The following TNR variants were observed in gnomAD, a reference collection of about 807,000 sequenced individuals.
TNR encodes tenascin-R.
TNR carries 45 observed loss-of-function variants against 150.4 expected under a neutral mutation model. The observed-to-expected ratio is 0.30, with a 90% CI of 0.24 to 0.38. TNR has a LOEUF of 0.38. Ranked by LOEUF, TNR falls within the 10% of genes least tolerant of loss-of-function variation. TNR has a pLI of 1.00. For missense variants in TNR, 1,544 were observed against 1,759.1 expected (o/e 0.88, Z 2.19); for synonymous variants, 687 against 678.4 (o/e 1.01, Z -0.20).
chr1:175,717,189 T>G (rs950050254), intron 1 of TNR, among the ~76,000 whole-genome samples: 3 of 152,248 alleles, frequency 2.0e-5, no homozygotes, highest in African/African-American at 7.2e-5. Flanking sequence ...AATAAAACTT[T>G]GGCTGTGAGA....
At chr1:175,538,463 A>G (rs1403937061) in intron 1 of TNR, among the ~76,000 whole-genome samples, 1 of 152,240 alleles carries the variant, frequency 6.6e-6, no homozygotes, top group Non-Finnish European at 1.5e-5. Flanking sequence ...TAGGCCTTGG[A>G]AAATGAAAAT....
At chr1:175,522,240 G>A (rs1456464421) in intron 2 of TNR, among the ~76,000 whole-genome samples, 1 of 152,208 alleles carries the variant, frequency 6.6e-6, no homozygotes, top group African/African-American at 2.4e-5. Context: ...AGGAGCTAGG[G>A]ATTGTGTCTA....
chr1:175,621,502 G>A (rs1181188842), intron 1 of TNR, among the ~76,000 whole-genome samples: 2 of 152,150 alleles, frequency 1.3e-5, no homozygotes, highest in African/African-American at 2.4e-5. Context: ...ACTGCCAGAT[G>A]TATCTATCTA....
At chr1:175,458,765 T>C (rs1033907340) in intron 2 of TNR, among the ~76,000 whole-genome samples, 5 of 152,236 alleles carry the variant, frequency 3.3e-5, no homozygotes, top group African/African-American at 1.2e-4. Context: ...CAAAGTGCTT[T>C]CTTTAAAAAG....
chr1:175,465,092 C>G (rs552796586), intron 2 of TNR, among the ~76,000 whole-genome samples: 1 of 152,188 alleles, frequency 6.6e-6, no homozygotes, highest in Non-Finnish European at 1.5e-5. Flanking sequence ...GGCATCCACC[C>G]AGGCATCATG....
chr1:175,601,461 GC>G (rs1340053316), intron 1 of TNR, among the ~76,000 whole-genome samples: 2 of 152,156 alleles, frequency 1.3e-5, no homozygotes, highest in East Asian at 1.9e-4. Context: ...AACTTAAGAG[GC>G]CTGAGTTCCA....
At chr1:175,434,446 G>A (rs1370200370) in intron 2 of TNR, among the ~76,000 whole-genome samples, 3 of 152,138 alleles carry the variant, frequency 2.0e-5, no homozygotes, top group Admixed American at 2.0e-4. Context: ...CACCGCGGCT[G>A]CTCGCTGGCA....
intron 1 of TNR, among the ~76,000 whole-genome samples, chr1:175,724,189 A>G (rs575680115): frequency 6.6e-6 from 1 of 152,326 alleles, no homozygotes; most frequent in Admixed American, 6.5e-5. Flanking sequence ...GGTAATTTAT[A>G]AAGAAAAGAG....
intron 1 of TNR, among the ~76,000 whole-genome samples, chr1:175,584,564 G>A (rs998266641): frequency 6.6e-6 from 1 of 152,220 alleles, no homozygotes; most frequent in Non-Finnish European, 1.5e-5. Flanking sequence ...AGGTTTGAAT[G>A]TGTGATGTAT....
At chr1:175,482,254 C>T (rs867784197) in intron 2 of TNR, among the ~76,000 whole-genome samples, 1 of 152,236 alleles carries the variant, frequency 6.6e-6, no homozygotes. Flanking sequence ...TTAATCAGAC[C>T]TATTTAACTG....
At chr1:175,415,474 G>A (rs985707322) in intron 2 of TNR, among the ~76,000 whole-genome samples, 2 of 152,246 alleles carry the variant, frequency 1.3e-5, no homozygotes, top group African/African-American at 2.4e-5. Context: ...GGGCCAGCCT[G>A]GGTGCTGCCT....
intron 1 of TNR, among the ~76,000 whole-genome samples, chr1:175,644,732 T>G (rs1664759765): frequency 6.6e-6 from 1 of 152,256 alleles, no homozygotes; most frequent in Non-Finnish European, 1.5e-5. Context: ...GATGCATGTT[T>G]GCTAAATACA....
intron 2 of TNR, among the ~76,000 whole-genome samples, chr1:175,458,734 A>C (rs1258550835): frequency 6.6e-6 from 1 of 152,250 alleles, no homozygotes; most frequent in Non-Finnish European, 1.5e-5. Flanking sequence ...AGTTTTACAG[A>C]GGTCTGATTT....
At chr1:175,335,437 A>G in intron 20 of TNR, 1 of 322,548 alleles carries the variant, frequency 3.1e-6, no homozygotes, top group Non-Finnish European at 5.6e-6. Flanking sequence ...CAGGCAGCTC[A>G]CTCCCTTTGT....
chr1:175,741,694 A>G (rs1291114306), intron 1 of TNR, among the ~76,000 whole-genome samples: 1 of 152,216 alleles, frequency 6.6e-6, no homozygotes, highest in East Asian at 1.9e-4. Flanking sequence ...CAAGCATAGT[A>G]AAAAAGAAAA....
intron 3 of TNR, 39 bp from the exon 4 acceptor site, chr1:175,403,655 C>T (rs1426146207): frequency 1.3e-6 from 2 of 1,536,574 alleles, no homozygotes. Context: ...GCAGCAGTGG[C>T]CTCTCCTGTC....
chr1:175,354,843 C>G (rs1466145943), intron 17 of TNR, among the ~76,000 whole-genome samples: 3 of 152,122 alleles, frequency 2.0e-5, no homozygotes, highest in Non-Finnish European at 4.4e-5. Context: ...GATCTAAGGC[C>G]TCCTTACTTC....
intron 2 of TNR, among the ~76,000 whole-genome samples, chr1:175,461,848 C>T (rs1656832866): frequency 6.6e-6 from 1 of 152,178 alleles, no homozygotes; most frequent in Admixed American, 6.5e-5. Context: ...TGCTTTTTCT[C>T]TTCTATCCTT....
chr1:175,728,615 C>T (rs1223369355), intron 1 of TNR, among the ~76,000 whole-genome samples: 2 of 152,176 alleles, frequency 1.3e-5, no homozygotes, highest in African/African-American at 4.8e-5. Flanking sequence ...TCCATAAGTG[C>T]TACCACCTAA....
Sources: gnomAD v4.1 joint callset for allele counts (sites outside exome capture counted in the v4.1 genomes callset) on GRCh38, gnomAD v4.1.1 for gene constraint, MANE v1.5 for transcripts, NCBI Gene and HGNC (gene_info 2026-07-23, HGNC 2026-07-21) for gene names.